The following RAB38 variants were observed in gnomAD, a reference collection of about 807,000 sequenced individuals.
RAB38 encodes RAB38, member RAS oncogene family, also known as ras-related protein Rab-38.
A neutral mutation model predicts 18.4 loss-of-function variants in RAB38; 15 were observed. The ratio of observed to expected loss-of-function variants is 0.82; its 90% CI spans 0.55 to 1.26. RAB38 has a LOEUF of 1.26. Ranked by LOEUF, RAB38 falls within the 50% of genes most tolerant of loss-of-function variation. The probability of loss-of-function intolerance (pLI) is 0.00; values close to 1 mark genes in which losing one functional copy is unlikely to be tolerated. For missense variants in RAB38, 294 were observed against 267.4 expected, an observed-to-expected ratio of 1.10 and a Z score of -0.69; for synonymous variants, 101 against 104.4, an observed-to-expected ratio of 0.97 and a Z score of 0.20.
chr11:88,147,580 A>C (rs996594685), intron 2 of RAB38, among the ~76,000 whole-genome samples: 1 of 151,768 alleles, frequency 6.6e-6, no homozygotes, highest in African/African-American at 2.4e-5. Context: ...TAAAAAAAAA[A>C]AAAAAACAGC....
intron 1 of RAB38, chr11:88,166,318 C>T (rs999422600): frequency 6.6e-6 from 1 of 152,128 alleles, no homozygotes; most frequent in Admixed American, 6.6e-5. Context: ...TTCCACAGGG[C>T]TGGGTGCCTT....
chr11:88,005,405 A>T, the RAB38 span, among the ~76,000 whole-genome samples: 1 of 132,228 alleles, frequency 7.6e-6, no homozygotes, highest in East Asian at 2.7e-4. Flanking sequence ...CATTAAAAAA[A>T]ATATCCTACA....
chr11:87,805,317 T>C, the RAB38 span, among the ~76,000 whole-genome samples: 2 of 152,084 alleles, frequency 1.3e-5, no homozygotes, highest in African/African-American at 2.4e-5. Context: ...CCTATGCATA[T>C]ACACATATTC....
chr11:88,058,066 T>C, the RAB38 span, among the ~76,000 whole-genome samples: 1 of 152,212 alleles, frequency 6.6e-6, no homozygotes, highest in East Asian at 1.9e-4. Context: ...AATATTTACA[T>C]GACCTGATGT....
At chr11:88,085,744 T>G in the RAB38 span, among the ~76,000 whole-genome samples, 2 of 151,948 alleles carry the variant, frequency 1.3e-5, no homozygotes, top group African/African-American at 4.8e-5. Flanking sequence ...ATGGTTGCCT[T>G]TGCACTATAA....
chr11:87,804,248 A>G, the RAB38 span, among the ~76,000 whole-genome samples: 135,925 of 152,132 alleles, frequency 0.89, 60,873 homozygotes, highest in East Asian at 0.99. Context: ...CCTCTCTCCA[A>G]TGAGTAATCT....
chr11:88,129,075 G>A (rs1221521917), intron 2 of RAB38, among the ~76,000 whole-genome samples: 4 of 152,098 alleles, frequency 2.6e-5, no homozygotes, highest in East Asian at 3.8e-4. Context: ...ATAGACATAA[G>A]CAATGCATAA....
chr11:88,107,284 G>A, the RAB38 span, among the ~76,000 whole-genome samples: 2 of 151,978 alleles, frequency 1.3e-5, no homozygotes, highest in Admixed American at 1.3e-4. Flanking sequence ...TGTCATCCAT[G>A]AAACCCTCCG....
chr11:87,816,722 G>A, the RAB38 span, among the ~76,000 whole-genome samples: 2 of 151,874 alleles, frequency 1.3e-5, no homozygotes, highest in East Asian at 1.9e-4. Flanking sequence ...AGAGAGAGAG[G>A]GAGATCCTGT....
the RAB38 span, among the ~76,000 whole-genome samples, chr11:88,033,844 C>T: frequency 6.6e-6 from 1 of 151,312 alleles, no homozygotes; most frequent in South Asian, 2.1e-4. Flanking sequence ...TCTCTTGCCT[C>T]AGCCTCCCAA....
At chr11:88,160,202 C>T (rs1311959024) in intron 1 of RAB38, among the ~76,000 whole-genome samples, 1 of 151,966 alleles carries the variant, frequency 6.6e-6, no homozygotes, top group African/African-American at 2.4e-5. Context: ...GATATATGAG[C>T]AGCCAATAAA....
chr11:87,824,950 G>C, the RAB38 span, among the ~76,000 whole-genome samples: 2 of 152,040 alleles, frequency 1.3e-5, no homozygotes, highest in African/African-American at 2.4e-5. Context: ...TGAAATTTCA[G>C]AACACCTGGA....
chr11:88,069,208 A>T, the RAB38 span, among the ~76,000 whole-genome samples: 2 of 152,142 alleles, frequency 1.3e-5, no homozygotes, highest in Non-Finnish European at 2.9e-5. Flanking sequence ...GGAGGTGCGG[A>T]GGGGGTGCCG....
chr11:87,898,927 G>A, the RAB38 span, among the ~76,000 whole-genome samples: 2 of 151,620 alleles, frequency 1.3e-5, no homozygotes, highest in East Asian at 2.0e-4. Flanking sequence ...GAGCTTCACT[G>A]CTTCTTGTTA....
chr11:87,890,784 GAAA>G, the RAB38 span, among the ~76,000 whole-genome samples: 1 of 151,744 alleles, frequency 6.6e-6, no homozygotes, highest in Non-Finnish European at 1.5e-5. Context: ...TATTTTTCAA[GAAA>G]AATTTGATTC....
the RAB38 span, among the ~76,000 whole-genome samples, chr11:87,837,062 AG>A: frequency 6.6e-6 from 1 of 152,234 alleles, no homozygotes; most frequent in East Asian, 1.9e-4. Flanking sequence ...GCCATTGTGC[AG>A]AATAACAGAG....
the RAB38 span, among the ~76,000 whole-genome samples, chr11:87,936,149 G>A: frequency 8.4e-4 from 128 of 152,082 alleles, 1 homozygote; most frequent in East Asian, 0.023. Flanking sequence ...TATTCATGAA[G>A]TCCAAATTAT....
At chr11:88,023,478 G>A in the RAB38 span, among the ~76,000 whole-genome samples, 1 of 151,812 alleles carries the variant, frequency 6.6e-6, no homozygotes, top group Non-Finnish European at 1.5e-5. Context: ...ATTACCCATA[G>A]CAATATACAG....
chr11:88,147,801 G>C (rs1943009692), intron 2 of RAB38, among the ~76,000 whole-genome samples: 1 of 152,112 alleles, frequency 6.6e-6, no homozygotes, highest in Non-Finnish European at 1.5e-5. Context: ...GCTGAGGCAG[G>C]AGAATCACTT....
Sources: gnomAD v4.1 joint callset for allele counts (sites outside exome capture counted in the v4.1 genomes callset) on GRCh38, gnomAD v4.1.1 for gene constraint, MANE v1.5 for transcripts, NCBI Gene and HGNC (gene_info 2026-07-23, HGNC 2026-07-21) for gene names.